The following SAMSN1 variants were observed in gnomAD, a reference collection of about 807,000 sequenced individuals.
The protein encoded by SAMSN1 is SAM domain, SH3 domain and nuclear localization signals 1.
Under a neutral mutation model 42.0 loss-of-function variants are expected in SAMSN1, and 31 were observed. The observed-to-expected ratio is 0.74, with a 90% CI of 0.55 to 1.00. The LOEUF (loss-of-function observed/expected upper bound fraction) is 1.00, where lower values mean the gene tolerates loss of function less well. SAMSN1 is among the 50% of genes least tolerant of loss of function. SAMSN1 has a pLI of 0.00. For synonymous variants in SAMSN1, 178 were observed against 151.9 expected, an observed-to-expected ratio of 1.17 and a Z score of -1.26; for missense variants, 464 against 439.4, an observed-to-expected ratio of 1.06 and a Z score of -0.50.
chr21:14,518,339 C>T lies in SAMSN1; in HGVS notation c.130-1298G>A, dbSNP rs559020696. On this transcript the variant is annotated intron_variant, in intron 2 of 7. Transcript: ENST00000400566. The stretch of plus-strand genomic sequence containing the variant: ...CCACTATGATGCATGCTCCATGAGA[C>T]TTGAGACTTTGTCTGTTTTCTTTGA... Among the ~76,000 whole-genome samples, 14 of 152,312 alleles carry T rather than the reference C, an allele frequency of 9.2e-5. 1 individual carries two copies. The South Asian group carries it at 2.9e-3, about 32-fold the overall frequency.
rs115093366 is a variant in SAMSN1, at chr21:14,568,400, A to G, written c.261+13736T>C. ...GGAAAGGCGACTGGAAAAACACCAC[A>G]TATTATTTCTTGCCTATTTATTTTA... On this transcript the variant is annotated intron_variant, in intron 2 of 8. Coordinates refer to the SAMSN1 transcript ENST00000285670. Among the ~76,000 whole-genome samples, 809 of 152,280 alleles carry G rather than the reference A, an allele frequency of 5.3e-3. 10 individuals are homozygous for G. Among genetic ancestry groups the G allele is most frequent in the African/African-American group, 0.019 (788 of 41,554 alleles).
chr21:14,514,220 T>C (rs1987809406), intron 3 of SAMSN1, among the ~76,000 whole-genome samples: 1 of 152,230 alleles, frequency 6.6e-6, no homozygotes, highest in Admixed American at 6.5e-5. Flanking sequence ...TTCTTCCTTT[T>C]CCTCATCCTT....
At chr21:14,625,549 T>C (rs1453768648) in intron 2 of SAMSN1, among the ~76,000 whole-genome samples, 2 of 152,016 alleles carry the variant, frequency 1.3e-5, no homozygotes, top group Non-Finnish European at 2.9e-5. Flanking sequence ...GAGAACAAAA[T>C]ACCTAGGAAT....
At chr21:14,552,520 A>G (rs1980634375) in intron 2 of SAMSN1, among the ~76,000 whole-genome samples, 2 of 152,126 alleles carry the variant, frequency 1.3e-5, no homozygotes, top group African/African-American at 4.8e-5. Flanking sequence ...ATGTGAAGAC[A>G]TAGCAAGAAG....
chr21:14,638,198 G>A (rs1305826438), intron 2 of SAMSN1, among the ~76,000 whole-genome samples: 1 of 152,154 alleles, frequency 6.6e-6, no homozygotes, highest in Non-Finnish European at 1.5e-5. Context: ...GAAAGTGGAG[G>A]CCACATCCGG....
chr21:14,588,050 T>C (rs1462753217), upstream of SAMSN1, among the ~76,000 whole-genome samples: 1 of 139,170 alleles, frequency 7.2e-6, no homozygotes, highest in Non-Finnish European at 1.6e-5. Context: ...TCCAATTTCA[T>C]CCATGTCCCT....
intron 1 of SAMSN1, among the ~76,000 whole-genome samples, chr21:14,656,451 G>A (rs1315411718): frequency 6.6e-6 from 1 of 151,780 alleles, no homozygotes; most frequent in Non-Finnish European, 1.5e-5. Context: ...TAATTGATTT[G>A]TAACCTCATG....
intron 1 of SAMSN1, among the ~76,000 whole-genome samples, chr21:14,524,912 A>T (rs1978740670): frequency 3.3e-5 from 5 of 152,216 alleles, no homozygotes; most frequent in African/African-American, 1.2e-4. Context: ...GATACTAAAA[A>T]GAAAAATGCA....
intron 2 of SAMSN1, among the ~76,000 whole-genome samples, chr21:14,554,500 A>G (rs1222468205): frequency 2.0e-5 from 3 of 151,772 alleles, no homozygotes; most frequent in African/African-American, 7.3e-5. Context: ...TCCCTTCATT[A>G]TCTTGTTTTA....
chr21:14,643,692 A>G (rs1205110509), intron 1 of SAMSN1, among the ~76,000 whole-genome samples: 1 of 152,202 alleles, frequency 6.6e-6, no homozygotes, highest in Non-Finnish European at 1.5e-5. Flanking sequence ...CAGAAAAACA[A>G]CACCCTCATA....
intron 2 of SAMSN1, among the ~76,000 whole-genome samples, chr21:14,562,211 G>A (rs910181348): frequency 6.6e-6 from 1 of 152,238 alleles, no homozygotes; most frequent in African/African-American, 2.4e-5. Flanking sequence ...AAAAGGCACT[G>A]GCTGAAATGT....
intron 1 of SAMSN1, among the ~76,000 whole-genome samples, chr21:14,656,993 T>C (rs1983927441): frequency 6.6e-6 from 1 of 151,744 alleles, no homozygotes; most frequent in East Asian, 1.9e-4. Flanking sequence ...TCCCATATGT[T>C]CACATTCCTA....
intron 2 of SAMSN1, among the ~76,000 whole-genome samples, chr21:14,563,941 C>A (rs1208722809): frequency 2.0e-5 from 3 of 152,054 alleles, no homozygotes; most frequent in Non-Finnish European, 2.9e-5. Context: ...CAAAAGTGAA[C>A]CAAAAATAGC....
chr21:14,609,583 A>G (rs893110561), intron 4 of SAMSN1: 1 of 717,664 alleles, frequency 1.4e-6, no homozygotes, highest in Non-Finnish European at 2.6e-6. Context: ...AGTGAAGCAG[A>G]TAATTGGTTA....
chr21:14,568,103 A>G (rs1269627078), intron 2 of SAMSN1, among the ~76,000 whole-genome samples: 1 of 152,180 alleles, frequency 6.6e-6, no homozygotes, highest in African/African-American at 2.4e-5. Flanking sequence ...AAGCATTACT[A>G]ATCATGGAAC....
chr21:14,548,967 G>T (rs905957066), upstream of SAMSN1, among the ~76,000 whole-genome samples: 1 of 152,148 alleles, frequency 6.6e-6, no homozygotes, highest in African/African-American at 2.4e-5. Context: ...CAAAAGCACA[G>T]TCTTGGTGCT....
At chr21:14,543,401 A>G (rs899903562) in intron 1 of SAMSN1, among the ~76,000 whole-genome samples, 11 of 152,168 alleles carry the variant, frequency 7.2e-5, no homozygotes, top group African/African-American at 2.7e-4. Context: ...ATGTATTTGG[A>G]CTTACTCTTT....
At chr21:14,639,408 A>C (rs899160968) in intron 2 of SAMSN1, among the ~76,000 whole-genome samples, 6 of 152,158 alleles carry the variant, frequency 3.9e-5, no homozygotes, top group African/African-American at 1.4e-4. Context: ...AAACAAAGAA[A>C]ACAAGAGAGG....
At chr21:14,505,628 T>C (rs550601921) in intron 5 of SAMSN1, among the ~76,000 whole-genome samples, 2 of 150,322 alleles carry the variant, frequency 1.3e-5, no homozygotes, top group South Asian at 2.1e-4. Context: ...AGAAATGAGA[T>C]AGACAGCAAC....
Sources: allele counts gnomAD v4.1 joint callset (sites outside exome capture counted in the v4.1 genomes callset), GRCh38; gene constraint gnomAD v4.1.1; transcripts MANE v1.5; gene names NCBI Gene and HGNC (gene_info 2026-07-23, HGNC 2026-07-21).